The following GPR176 variants were observed in gnomAD, a reference collection of about 807,000 sequenced individuals.
GPR176 encodes G-protein coupled receptor 176.
A neutral mutation model predicts 35.4 loss-of-function variants in GPR176; 26 were observed. The observed-to-expected ratio is 0.74, with a 90% confidence interval of 0.54 to 1.02. The LOEUF (loss-of-function observed/expected upper bound fraction) is 1.02. Among genes scored for constraint, GPR176 ranks in the 50% least tolerant of loss-of-function variants. The pLI is 0.00. For missense variants in GPR176, 597 were observed against 665.3 expected (o/e 0.90, Z 1.13); for synonymous variants, 278 against 271.3 (o/e 1.02, Z -0.24).
chr15:39,803,300 G>A (rs573012413), intron 2 of GPR176, among the ~76,000 whole-genome samples: 3 of 64,512 alleles, frequency 4.7e-5, no homozygotes, highest in Non-Finnish European at 1.1e-4. Context: ...TTTTTTTTGA[G>A]ATAGAGTCTC....
chr15:39,903,263 A>G (rs1237873826), intron 1 of GPR176, among the ~76,000 whole-genome samples: 1 of 133,726 alleles, frequency 7.5e-6, no homozygotes, highest in Non-Finnish European at 1.7e-5. Context: ...TTCGAAACAA[A>G]TAACAAATTA....
rs543489276 is a variant in GPR176, at chr15:39,843,011, A to G, written c.173-35753T>C. ...ACTCAAAGAGAAGAGGCTGTCACCA[A>G]CAACACTAAAAGCAGCACTGGATTC... On this transcript the variant is annotated intron_variant, in intron 1 of 2. Coordinates refer to ENST00000561100, the MANE Select transcript of GPR176 (RefSeq NM_007223.3). 1.1e-4 allele frequency among the ~76,000 whole-genome samples: 17 copies of G among 152,102 alleles called. 1 individual carries two copies. In the South Asian group the frequency reaches 3.1e-3, roughly 28 times the overall value.
intron 1 of GPR176, among the ~76,000 whole-genome samples, chr15:39,850,852 TAAAAAAAC>T (rs1048551876): frequency 2.0e-5 from 3 of 151,424 alleles, no homozygotes; most frequent in African/African-American, 4.9e-5. Flanking sequence ...AATGAATGAT[TAAAAAAAC>T]AAAAAAACAA....
intron 1 of GPR176, among the ~76,000 whole-genome samples, chr15:39,843,509 A>G (rs2030181010): frequency 6.6e-6 from 1 of 152,108 alleles, no homozygotes. Flanking sequence ...TACTCCCAGA[A>G]TTGCATTTTG....
At chr15:39,843,189 G>T (rs1337411088) in intron 1 of GPR176, among the ~76,000 whole-genome samples, 1 of 152,036 alleles carries the variant, frequency 6.6e-6, no homozygotes, top group Non-Finnish European at 1.5e-5. Context: ...GCTGTCATGT[G>T]GGAATCTAGA....
At chr15:39,855,789 A>C (rs2031176757) in intron 1 of GPR176, among the ~76,000 whole-genome samples, 1 of 152,192 alleles carries the variant, frequency 6.6e-6, no homozygotes, top group South Asian at 2.1e-4. Flanking sequence ...TGCAACCAAA[A>C]ACTCTGATCA....
rs974506894 is a variant in GPR176, at chr15:39,919,743, T to C, written c.172+112A>G. The C allele has an allele frequency of 7.7e-6, 6 of 779,294 alleles. No homozygotes were observed. In the African/African-American group the frequency reaches 9.2e-5, roughly 12 times the overall value. 48.3% of individuals were successfully genotyped at this position (779,294 alleles called of 1,614,324 possible). A position where few individuals can be genotyped will look rare whatever the true frequency, so the allele number is the denominator to read the frequency against. Reference sequence around the variant, plus strand: ...GATCCTTAAGCTTCCTTCAACTCTCTGCACTTTGCCAGGCACCCGAAACCC... The same window carrying C: ...GATCCTTAAGCTTCCTTCAACTCTCCGCACTTTGCCAGGCACCCGAAACCC... On this transcript the variant is annotated intron_variant, in intron 1 of 2. Coordinates refer to ENST00000561100, the MANE Select transcript of GPR176 (RefSeq NM_007223.3).
At chr15:39,825,847 C>A (rs1252058126) in intron 1 of GPR176, among the ~76,000 whole-genome samples, 1 of 152,150 alleles carries the variant, frequency 6.6e-6, no homozygotes, top group Non-Finnish European at 1.5e-5. Flanking sequence ...GCCCAGTACC[C>A]AGTGCTTCAT....
intron 1 of GPR176, among the ~76,000 whole-genome samples, chr15:39,905,752 T>A (rs1037570371): frequency 1.1e-4 from 16 of 152,220 alleles, no homozygotes; most frequent in South Asian, 4.1e-4. Flanking sequence ...CGATCTTGAA[T>A]TAGCAAAATT....
At chr15:39,809,555 A>G (rs922800869) in intron 1 of GPR176, among the ~76,000 whole-genome samples, 13 of 152,184 alleles carry the variant, frequency 8.5e-5, no homozygotes, top group African/African-American at 3.1e-4. Context: ...CAACCTCTAT[A>G]TACTTTTTAT....
intron 1 of GPR176, among the ~76,000 whole-genome samples, chr15:39,844,570 C>A (rs947348203): frequency 6.6e-6 from 1 of 151,776 alleles, no homozygotes; most frequent in Admixed American, 6.6e-5. Flanking sequence ...CCCCCAACCC[C>A]GTCTGCCCCC....
chr15:39,893,179 T>A (rs1178409753), intron 1 of GPR176, among the ~76,000 whole-genome samples: 1 of 152,016 alleles, frequency 6.6e-6, no homozygotes, highest in Admixed American at 6.6e-5. Context: ...CATAGGACAA[T>A]AGTGGAGGGA....
At chr15:39,900,293 G>T (rs2033238982) in intron 1 of GPR176, among the ~76,000 whole-genome samples, 1 of 151,380 alleles carries the variant, frequency 6.6e-6, no homozygotes, top group Non-Finnish European at 1.5e-5. Flanking sequence ...GGTAGTAGAG[G>T]TTAATTTCAA....
intron 1 of GPR176, among the ~76,000 whole-genome samples, chr15:39,826,492 C>T (rs1050192566): frequency 1.3e-5 from 2 of 152,046 alleles, no homozygotes; most frequent in Admixed American, 6.5e-5. Context: ...AAGGTCCTCC[C>T]CACCTACAGG....
intron 1 of GPR176, among the ~76,000 whole-genome samples, chr15:39,850,145 A>G (rs2030754425): frequency 6.6e-6 from 1 of 152,182 alleles, no homozygotes; most frequent in African/African-American, 2.4e-5. Flanking sequence ...CAGTGAGTGA[A>G]TGTGAAGGCC....
At position 39,826,225 on chromosome 15, in the gene GPR176, C is replaced by T. The variant is rs898960614; in HGVS notation, c.173-18967G>A. ...CCAGGATTGTGCTGAAATTCTTATCCGAGAGACATGCCATCTGGGCAAGCT... is the reference window on the plus strand; with the variant it reads ...CCAGGATTGTGCTGAAATTCTTATCTGAGAGACATGCCATCTGGGCAAGCT... On this transcript the variant is annotated intron_variant, in intron 1 of 2. Coordinates refer to ENST00000561100, the MANE Select transcript of GPR176 (RefSeq NM_007223.3). Among the ~76,000 whole-genome samples the T allele has an allele frequency of 7.9e-5, 12 of 152,100 alleles. No homozygotes were observed. In the East Asian group the frequency reaches 1.3e-3, roughly 17 times the overall value.
rs146112040 is a variant in GPR176, at chr15:39,899,196, T to C, written c.172+20659A>G. On this transcript the variant is annotated intron_variant, in intron 1 of 2. Transcript: ENST00000561100. ...TCCATTGTGTAGTAGTAGCTTACCC[T>C]TGGTAATCAGGACCAATCATACCAG... Among the ~76,000 whole-genome samples, 362 of 152,292 alleles carry C rather than the reference T, an allele frequency of 2.4e-3. 3 individuals carry two copies. Among genetic ancestry groups the C allele is most frequent in the African/African-American group, 8.1e-3 (336 of 41,552 alleles).
chr15:39,855,892 T>C (rs1047408926), intron 1 of GPR176, among the ~76,000 whole-genome samples: 1 of 152,214 alleles, frequency 6.6e-6, no homozygotes, highest in Admixed American at 6.5e-5. Flanking sequence ...TTACTAAGAC[T>C]GCAGTGCTAT....
intron 1 of GPR176, among the ~76,000 whole-genome samples, chr15:39,830,224 T>C (rs892414186): frequency 6.6e-6 from 1 of 152,192 alleles, no homozygotes; most frequent in Non-Finnish European, 1.5e-5. Context: ...ATAACAAAAA[T>C]AGTTTACTTA....
Sources: gnomAD v4.1 joint callset for allele counts (sites outside exome capture counted in the v4.1 genomes callset) on GRCh38, gnomAD v4.1.1 for gene constraint, MANE v1.5 for transcripts, NCBI Gene and HGNC (gene_info 2026-07-23, HGNC 2026-07-21) for gene names.